PDCL2: variants seen among roughly 807,000 people sequenced by gnomAD.
PDCL2 encodes phosducin like 2, also known as phosducin-like protein 2.
Under a neutral mutation model 30.3 loss-of-function variants are expected in PDCL2, and 23 were observed. The ratio of observed to expected loss-of-function variants is 0.76; its 90% confidence interval spans 0.55 to 1.08. The LOEUF is 1.08. PDCL2 is among the 50% of genes least tolerant of loss of function. The pLI is 0.00. For missense variants in PDCL2, 243 were observed against 282.3 expected, an observed-to-expected ratio of 0.86 and a Z score of 1.00; for synonymous variants, 68 against 86.2, an observed-to-expected ratio of 0.79 and a Z score of 1.17.
chr4:55,585,533 C>T (rs1051430979), intron 1 of PDCL2, among the ~76,000 whole-genome samples: 13 of 151,916 alleles, frequency 8.6e-5, no homozygotes, highest in Non-Finnish European at 1.3e-4. Context: ...GTCACACACA[C>T]ACACACACAG....
At chr4:55,574,699 T>C (rs963945752) in intron 3 of PDCL2, among the ~76,000 whole-genome samples, 14 of 152,198 alleles carry the variant, frequency 9.2e-5, no homozygotes, top group Admixed American at 3.3e-4. Context: ...TGGTAACCAA[T>C]AATTGTGTTC....
chr4:55,579,908 G>A (rs563091482), intron 3 of PDCL2, among the ~76,000 whole-genome samples: 4 of 151,050 alleles, frequency 2.6e-5, no homozygotes, highest in South Asian at 2.1e-4. Flanking sequence ...GTGCAATGGC[G>A]CAATCTTGGC....
intron 4 of PDCL2, among the ~76,000 whole-genome samples, chr4:55,566,013 C>T (rs751098737): frequency 1.7e-4 from 19 of 109,330 alleles, no homozygotes; most frequent in Admixed American, 2.7e-4. Flanking sequence ...TGGAGTCCTG[C>T]TCTGTTGCCC....
At chr4:55,580,172 T>A (rs2130034) in intron 3 of PDCL2, among the ~76,000 whole-genome samples, 1 of 152,222 alleles carries the variant, frequency 6.6e-6, no homozygotes, top group African/African-American at 2.4e-5. Context: ...GTTAAAATGA[T>A]CTTGCATTCC....
intron 3 of PDCL2, among the ~76,000 whole-genome samples, chr4:55,570,070 G>A (rs567795367): frequency 6.6e-6 from 1 of 152,202 alleles, no homozygotes; most frequent in South Asian, 2.1e-4. Flanking sequence ...AGTGTAAGAA[G>A]TTTGCTATTG....
chr4:55,575,974 C>T (rs1732559050), intron 3 of PDCL2, among the ~76,000 whole-genome samples: 1 of 152,084 alleles, frequency 6.6e-6, no homozygotes, highest in Non-Finnish European at 1.5e-5. Flanking sequence ...CAGATAGTAT[C>T]CAAAGCCACA....
At chr4:55,581,689 A>G (rs1287417777) in intron 2 of PDCL2, among the ~76,000 whole-genome samples, 1 of 152,112 alleles carries the variant, frequency 6.6e-6, no homozygotes, top group Non-Finnish European at 1.5e-5. Flanking sequence ...GGGGGGTTAT[A>G]TTAAATGTTT....
intron 4 of PDCL2, among the ~76,000 whole-genome samples, chr4:55,565,126 G>A (rs1444026289): frequency 6.6e-6 from 1 of 152,176 alleles, no homozygotes; most frequent in Non-Finnish European, 1.5e-5. Context: ...CACAAGATTT[G>A]CAACTTCCTC....
intron 1 of PDCL2, among the ~76,000 whole-genome samples, chr4:55,585,561 C>CACACAA (rs1553908210): frequency 1.3e-5 from 2 of 151,836 alleles, no homozygotes; most frequent in African/African-American, 4.8e-5. Flanking sequence ...CACACACACA[C>CACACAA]AAAGATTTAG....
chr4:55,566,173 G>T (rs1732262930), intron 4 of PDCL2, among the ~76,000 whole-genome samples: 2 of 151,334 alleles, frequency 1.3e-5, no homozygotes, highest in Non-Finnish European at 2.9e-5. Context: ...GTAGAGACAG[G>T]GTTTTGCCAT....
chr4:55,565,973 G>GTTTTTTTTTTTTTTTTTTTT (rs71194595), intron 4 of PDCL2, among the ~76,000 whole-genome samples: 2 of 74,496 alleles, frequency 2.7e-5, no homozygotes, highest in Non-Finnish European at 2.4e-5. Flanking sequence ...CCATTTTTCT[G>GTTTTTTTTTTTTTTTTTTTT]TTTTTTTTTT....
chr4:55,590,504 C>T (rs889820831), intron 1 of PDCL2, among the ~76,000 whole-genome samples: 8 of 151,182 alleles, frequency 5.3e-5, no homozygotes, highest in South Asian at 2.1e-4. Context: ...TTTTCCCCCC[C>T]GAGATGGAAT....
Position 55,562,430 on chromosome 4 carries a change from C to T in PDCL2, c.545G>A (p.Cys182Tyr). 2 of 1,455,852 alleles carry T rather than the reference C, an allele frequency of 1.4e-6. No individual in the cohort carries two copies. The highest frequency in any genetic ancestry group is 1.8e-6 in the Non-Finnish European group (2 of 1,100,062). 90.2% of individuals were successfully genotyped at this position (1,455,852 alleles called of 1,614,324 possible). A position where few individuals can be genotyped will look rare whatever the true frequency, so the allele number is the denominator to read the frequency against. ...TTCCAGCTTGAGATTTATCCCTCCA[C>T]ATTCTATAATTCCAATGAATTTGGC... ...IEAKFIGIIE[C>Y]GGINLKLEEL... The change falls in exon 5 of 6, where the codon TGT becomes TAT. Residue 182 changes from cysteine to tyrosine, a missense_variant. Cys to Tyr is a radical substitution (Grantham distance 194, BLOSUM62 -2). Transcript: ENST00000295645.
intron 3 of PDCL2, among the ~76,000 whole-genome samples, chr4:55,580,450 A>C (rs371390241): frequency 5.3e-5 from 8 of 152,198 alleles, no homozygotes; most frequent in African/African-American, 1.9e-4. Flanking sequence ...CAGTTTCTAA[A>C]ATAATTTAAG....
chr4:55,581,485 C>T (rs1392558054), intron 2 of PDCL2, among the ~76,000 whole-genome samples: 1 of 151,858 alleles, frequency 6.6e-6, no homozygotes, highest in East Asian at 1.9e-4. Context: ...CCTCAAGTAC[C>T]TAGAAATCTT....
At chr4:55,583,419 G>A (rs1286935293) in intron 1 of PDCL2, among the ~76,000 whole-genome samples, 5 of 152,052 alleles carry the variant, frequency 3.3e-5, no homozygotes, top group Non-Finnish European at 5.9e-5. Flanking sequence ...TTTTTAGTTC[G>A]ATGTAATCTT....
At chr4:55,584,987 T>G (rs1241488330) in intron 1 of PDCL2, among the ~76,000 whole-genome samples, 3 of 152,244 alleles carry the variant, frequency 2.0e-5, no homozygotes, top group Non-Finnish European at 4.4e-5. Flanking sequence ...ATATGATTTT[T>G]GTCCATAATT....
chr4:55,577,166 A>T (rs1433507305), intron 3 of PDCL2, among the ~76,000 whole-genome samples: 3 of 152,316 alleles, frequency 2.0e-5, no homozygotes, highest in South Asian at 4.1e-4. Flanking sequence ...AAGTGCTGGG[A>T]TTACAGGCAT....
At chr4:55,565,973 GTTTTTTT>G (rs71194595) in intron 4 of PDCL2, among the ~76,000 whole-genome samples, 1 of 74,494 alleles carries the variant, frequency 1.3e-5, no homozygotes, top group South Asian at 6.3e-4. Context: ...CCATTTTTCT[GTTTTTTT>G]TTTTTTTTTT....
Sources: gnomAD v4.1 joint callset for allele counts (sites outside exome capture counted in the v4.1 genomes callset) on GRCh38, gnomAD v4.1.1 for gene constraint, MANE v1.5 for transcripts, NCBI Gene and HGNC (gene_info 2026-07-23, HGNC 2026-07-21) for gene names.